The following NAALADL2 variants were observed in gnomAD, a reference collection of about 807,000 sequenced individuals.
NAALADL2 encodes the protein inactive N-acetylated-alpha-linked acidic dipeptidase-like protein 2.
Under a neutral mutation model 87.2 loss-of-function variants are expected in NAALADL2, and 76 were observed. The ratio of observed to expected loss-of-function variants is 0.87; its 90% confidence interval spans 0.72 to 1.05. The LOEUF is 1.05. NAALADL2 is among the 50% of genes least tolerant of loss of function. The pLI, the probability that NAALADL2 is intolerant of heterozygous loss-of-function variation, is 0.00. For missense variants in NAALADL2, 1,089 were observed against 945.8 expected (o/e 1.15, Z -1.99); for synonymous variants, 354 against 331.0 (o/e 1.07, Z -0.75).
intron 2 of NAALADL2, among the ~76,000 whole-genome samples, chr3:174,552,795 CAAAAAAAAA>C (rs1164243901): frequency 7.9e-4 from 44 of 55,994 alleles, no homozygotes; most frequent in Admixed American, 3.0e-3. Context: ...GACCCTGCCT[CAAAAAAAAA>C]AAAAAAAAAA....
chr3:175,588,265 A>G (rs1286577861), intron 10 of NAALADL2, among the ~76,000 whole-genome samples: 1 of 152,128 alleles, frequency 6.6e-6, no homozygotes, highest in Non-Finnish European at 1.5e-5. Flanking sequence ...TTATAGAGTC[A>G]TTGGCAATCT....
chr3:174,485,546 A>G (rs1315098848), intron 1 of NAALADL2, among the ~76,000 whole-genome samples: 1 of 151,348 alleles, frequency 6.6e-6, no homozygotes, highest in South Asian at 2.1e-4. Flanking sequence ...AGAATATGAG[A>G]TATTTGGTTT....
chr3:175,030,790 T>A (rs549223471), intron 1 of NAALADL2, among the ~76,000 whole-genome samples: 3 of 152,098 alleles, frequency 2.0e-5, no homozygotes, highest in Non-Finnish European at 4.4e-5. Context: ...CAAGCTCTTG[T>A]ATTTGTTCAA....
chr3:175,114,859 A>G (rs1348840357), intron 2 of NAALADL2, among the ~76,000 whole-genome samples: 1 of 151,664 alleles, frequency 6.6e-6, no homozygotes, highest in South Asian at 2.1e-4. Context: ...AGTTTCTAAG[A>G]TGACGTATAT....
At chr3:174,662,084 G>A (rs1050712513) in intron 2 of NAALADL2, among the ~76,000 whole-genome samples, 1 of 151,892 alleles carries the variant, frequency 6.6e-6, no homozygotes, top group African/African-American at 2.4e-5. Context: ...TCTACTGTGG[G>A]ATAAAAATAA....
intron 9 of NAALADL2, among the ~76,000 whole-genome samples, chr3:175,564,497 A>T (rs1716794325): frequency 6.6e-6 from 1 of 152,144 alleles, no homozygotes; most frequent in Non-Finnish European, 1.5e-5. Context: ...GGAATACATC[A>T]CTGACATGCT....
At chr3:174,994,701 G>A (rs1041703822) in intron 1 of NAALADL2, among the ~76,000 whole-genome samples, 2 of 152,024 alleles carry the variant, frequency 1.3e-5, no homozygotes, top group African/African-American at 4.8e-5. Flanking sequence ...CAGTTAACTA[G>A]AATTTCTTCT....
At chr3:175,027,745 G>T (rs1372922955) in intron 1 of NAALADL2, among the ~76,000 whole-genome samples, 1 of 152,038 alleles carries the variant, frequency 6.6e-6, no homozygotes, top group African/African-American at 2.4e-5. Flanking sequence ...CTGGCAGAGG[G>T]CAACTTGCTT....
chr3:174,642,240 C>T (rs534105400), intron 2 of NAALADL2, among the ~76,000 whole-genome samples: 4 of 152,008 alleles, frequency 2.6e-5, no homozygotes, highest in African/African-American at 9.6e-5. Flanking sequence ...GTGGCTCACA[C>T]CTGTAATCCC....
intron 1 of NAALADL2, among the ~76,000 whole-genome samples, chr3:174,549,102 A>G (rs1350556484): frequency 6.6e-6 from 1 of 152,236 alleles, no homozygotes; most frequent in Non-Finnish European, 1.5e-5. Flanking sequence ...TAGCCTGTCA[A>G]AGTGCTAGGA....
At chr3:174,574,330 A>G (rs1715286318) in intron 2 of NAALADL2, among the ~76,000 whole-genome samples, 1 of 152,158 alleles carries the variant, frequency 6.6e-6, no homozygotes, top group Admixed American at 6.5e-5. Flanking sequence ...CACATACATT[A>G]TATTTTTGAA....
At chr3:175,376,789 C>A (rs1767179339) in intron 5 of NAALADL2, among the ~76,000 whole-genome samples, 1 of 152,096 alleles carries the variant, frequency 6.6e-6, no homozygotes, top group Non-Finnish European at 1.5e-5. Context: ...TGAGGCTTTG[C>A]TCTTTTATAT....
intron 11 of NAALADL2, among the ~76,000 whole-genome samples, chr3:175,662,862 A>T (rs1113836): frequency 0.34 from 51,884 of 151,838 alleles, 13,791 homozygotes; most frequent in African/African-American, 0.75. Flanking sequence ...ATGTGAATAA[A>T]TTTTTAATGT....
chr3:175,667,161 AAAAGAAAGAAAGAAAGAAAGAGAAAG>A, intron 11 of NAALADL2, among the ~76,000 whole-genome samples: 1 of 142,696 alleles, frequency 7.0e-6, no homozygotes, highest in South Asian at 2.1e-4. Flanking sequence ...GAGAGAAAGA[AAAAGAAAGAAAGAAAGAAAGAGAAAG>A]AAAGAAAGAA....
intron 1 of NAALADL2, among the ~76,000 whole-genome samples, chr3:174,511,812 TTTTG>T (rs1343009421): frequency 2.0e-5 from 3 of 152,170 alleles, no homozygotes; most frequent in South Asian, 4.1e-4. Context: ...ATGTGCGTCT[TTTTG>T]TTTATTTGTT....
chr3:174,500,971 C>T (rs1275676261), intron 1 of NAALADL2, among the ~76,000 whole-genome samples: 1 of 152,078 alleles, frequency 6.6e-6, no homozygotes, highest in Non-Finnish European at 1.5e-5. Context: ...ATTCTCGAGC[C>T]TCAGCCTTCC....
chr3:174,805,156 T>C (rs993720897), intron 3 of NAALADL2, among the ~76,000 whole-genome samples: 7 of 152,152 alleles, frequency 4.6e-5, no homozygotes, highest in Admixed American at 4.6e-4. Context: ...TCTGGGAATC[T>C]TTTATGCTGT....
chr3:174,748,941 A>G (rs1022010721), intron 3 of NAALADL2, among the ~76,000 whole-genome samples: 1 of 152,176 alleles, frequency 6.6e-6, no homozygotes, highest in Admixed American at 6.6e-5. Context: ...TGTAGCATGC[A>G]TATTTGTTCT....
intron 5 of NAALADL2, among the ~76,000 whole-genome samples, chr3:175,394,154 C>G (rs936514896): frequency 6.6e-6 from 1 of 152,050 alleles, no homozygotes; most frequent in Admixed American, 6.5e-5. Context: ...ATAAATTTTA[C>G]TTTGGTTATC....
Sources: gnomAD v4.1 joint callset for allele counts (sites outside exome capture counted in the v4.1 genomes callset) on GRCh38, gnomAD v4.1.1 for gene constraint, MANE v1.5 for transcripts, NCBI Gene and HGNC (gene_info 2026-07-23, HGNC 2026-07-21) for gene names.